KDM4B: variants seen among roughly 807,000 people sequenced by gnomAD.
KDM4B encodes lysine demethylase 4B, also known as lysine-specific demethylase 4B.
KDM4B carries 32 observed loss-of-function variants against 125.2 expected under a neutral mutation model. The observed-to-expected ratio is 0.26, with a 90% CI of 0.19 to 0.34. The LOEUF is 0.34. Ranked by LOEUF, KDM4B falls within the 10% of genes least tolerant of loss-of-function variation. KDM4B has a pLI of 1.00. For missense variants in KDM4B, 1,190 were observed against 1,577.7 expected (o/e 0.75, Z 4.16); for synonymous variants, 721 against 677.9 (o/e 1.06, Z -0.99).
At chr19:5,053,964 C>G (rs2037313386) in intron 6 of KDM4B, among the ~76,000 whole-genome samples, 1 of 152,276 alleles carries the variant, frequency 6.6e-6, no homozygotes, top group South Asian at 2.1e-4. Flanking sequence ...AGGCAGGAAG[C>G]TCCTTCGTGG....
intron 9 of KDM4B, among the ~76,000 whole-genome samples, chr19:5,100,553 G>C (rs1009659176): frequency 6.6e-6 from 1 of 152,134 alleles, no homozygotes. Context: ...TCAGCCTCCT[G>C]TGTAGCTCGG....
chr19:5,133,591 G>A (rs1021231324), intron 13 of KDM4B, among the ~76,000 whole-genome samples: 1 of 152,234 alleles, frequency 6.6e-6, no homozygotes, highest in Non-Finnish European at 1.5e-5. Flanking sequence ...CCAGGTGTTG[G>A]GGGAGGGGCT....
chr19:4,988,395 C>T (rs1352588557), intron 1 of KDM4B, among the ~76,000 whole-genome samples: 1 of 152,200 alleles, frequency 6.6e-6, no homozygotes, highest in Non-Finnish European at 1.5e-5. Context: ...CCTGCCTCAG[C>T]CTCCGGAGTA....
chr19:5,019,656 G>A (rs2036025767), intron 2 of KDM4B, among the ~76,000 whole-genome samples: 1 of 150,492 alleles, frequency 6.6e-6, no homozygotes, highest in Admixed American at 6.6e-5. Context: ...GGACGTTGGT[G>A]TGCAGGTGTT....
chr19:5,094,106 G>A (rs898707434), intron 9 of KDM4B, among the ~76,000 whole-genome samples: 1 of 152,170 alleles, frequency 6.6e-6, no homozygotes, highest in Non-Finnish European at 1.5e-5. Context: ...CAGGGGTGTC[G>A]CCCTCTCCTC....
intron 15 of KDM4B, among the ~76,000 whole-genome samples, chr19:5,136,002 G>A (rs1204492489): frequency 1.3e-5 from 2 of 152,262 alleles, no homozygotes; most frequent in African/African-American, 4.8e-5. Flanking sequence ...AATGGGCCAG[G>A]CACCCCGTCT....
intron 21 of KDM4B, among the ~76,000 whole-genome samples, chr19:5,145,347 G>A (rs1012415781): frequency 2.6e-5 from 4 of 152,030 alleles, no homozygotes; most frequent in African/African-American, 7.2e-5. Flanking sequence ...TTGGGAGGCC[G>A]AGGCAGGTGG....
intron 1 of KDM4B, among the ~76,000 whole-genome samples, chr19:4,974,009 A>G (rs1269034914): frequency 6.6e-6 from 1 of 152,078 alleles, no homozygotes; most frequent in Non-Finnish European, 1.5e-5. Context: ...GCACACCTGT[A>G]GTCCCAGCTA....
intron 1 of KDM4B, among the ~76,000 whole-genome samples, chr19:5,014,519 C>T (rs1042108976): frequency 6.6e-6 from 1 of 152,060 alleles, no homozygotes; most frequent in Non-Finnish European, 1.5e-5. Context: ...TTGTGATCCA[C>T]CCGCCTCGGC....
intron 8 of KDM4B, among the ~76,000 whole-genome samples, chr19:5,079,428 C>G (rs2038220540): frequency 6.6e-6 from 1 of 152,230 alleles, no homozygotes; most frequent in African/African-American, 2.4e-5. Context: ...CTTGTCCTAA[C>G]CGAGCACATT....
At chr19:5,067,114 G>C (rs1483793241) in intron 6 of KDM4B, among the ~76,000 whole-genome samples, 1 of 152,100 alleles carries the variant, frequency 6.6e-6, no homozygotes, top group Non-Finnish European at 1.5e-5. Flanking sequence ...AGGCTCCCCT[G>C]GCAGCCTCCT....
At chr19:5,143,172 A>C (rs114699540) in intron 18 of KDM4B, among the ~76,000 whole-genome samples, 2,099 of 152,142 alleles carry the variant, frequency 0.014, 43 homozygotes, top group African/African-American at 0.049. Context: ...CAAAAGTCAA[A>C]AATTAGCCAG....
intron 21 of KDM4B, among the ~76,000 whole-genome samples, chr19:5,146,239 C>G (rs1467488572): frequency 1.3e-5 from 2 of 151,290 alleles, no homozygotes; most frequent in African/African-American, 2.4e-5. Flanking sequence ...ATCCAGGACC[C>G]CCCCCGCTCC....
chr19:5,019,789 G>GTGTGGACGTTGGTGTGCAGGTGCTGC, intron 2 of KDM4B, among the ~76,000 whole-genome samples: 1 of 145,882 alleles, frequency 6.9e-6, no homozygotes, highest in African/African-American at 2.5e-5. Flanking sequence ...GCAGGTGCTG[G>GTGTGGACGTTGGTGTGCAGGTGCTGC]TGTGGACGTT....
chr19:5,059,605 C>T (rs945408818), intron 6 of KDM4B, among the ~76,000 whole-genome samples: 4 of 152,222 alleles, frequency 2.6e-5, no homozygotes, highest in African/African-American at 4.8e-5. Context: ...TCATGGCCAT[C>T]GGCCTGTGTG....
chr19:5,107,655 C>T (rs977497047), intron 9 of KDM4B, among the ~76,000 whole-genome samples: 7 of 152,246 alleles, frequency 4.6e-5, no homozygotes, highest in Non-Finnish European at 8.8e-5. Flanking sequence ...GGGCACGTGG[C>T]TCCCACAGGC....
At chr19:5,032,502 G>C (rs1177601612) in intron 2 of KDM4B, among the ~76,000 whole-genome samples, 2 of 152,240 alleles carry the variant, frequency 1.3e-5, no homozygotes, top group Non-Finnish European at 2.9e-5. Context: ...TGCGGATCAG[G>C]CTCAGAGCAG....
rs146308065 is a variant in KDM4B, at chr19:5,032,379, C to G, written c.-25-487C>G. 1.9e-3 allele frequency among the ~76,000 whole-genome samples: 283 copies of G among 152,332 alleles called. 6 individuals are homozygous for G. In the East Asian group the frequency reaches 0.05, roughly 27 times the overall value. On this transcript the variant is annotated intron_variant, in intron 2 of 22. Transcript: ENST00000159111. ...GTTCTGCTGGCAGCAGCCAGCCAGC[C>G]CCCCGTGACCCACAGGCCTGCTCCG...
chr19:5,138,655 C>A, intron 18 of KDM4B, among the ~76,000 whole-genome samples: 1 of 150,008 alleles, frequency 6.7e-6, no homozygotes, highest in African/African-American at 2.5e-5. Flanking sequence ...GGCACTGTCT[C>A]AAAAAAAAAC....
Sources: gnomAD v4.1 joint callset for allele counts (sites outside exome capture counted in the v4.1 genomes callset) on GRCh38, gnomAD v4.1.1 for gene constraint, MANE v1.5 for transcripts, NCBI Gene and HGNC (gene_info 2026-07-23, HGNC 2026-07-21) for gene names.